The following MIB1 variants were observed in gnomAD, a reference collection of about 807,000 sequenced individuals.
The protein encoded by MIB1 is E3 ubiquitin-protein ligase MIB1.
MIB1 carries 278 observed loss-of-function variants against 124.5 expected under a neutral mutation model. That is an observed-to-expected ratio of 2.23 (90% CI 2.02 to 2.47). MIB1 has a LOEUF of 2.47. Among genes scored for constraint, MIB1 ranks in the 30% most tolerant of loss-of-function variants. MIB1 has a pLI of 0.00. For missense variants in MIB1, 957 were observed against 1,254.4 expected (o/e 0.76, Z 3.58); for synonymous variants, 446 against 429.4 (o/e 1.04, Z -0.48).
At chr18:21,831,807 G>A (rs1314471501) in intron 12 of MIB1, among the ~76,000 whole-genome samples, 1 of 152,026 alleles carries the variant, frequency 6.6e-6, no homozygotes, top group Non-Finnish European at 1.5e-5. Flanking sequence ...AAGGAAAGAG[G>A]AAAAAAATTA....
At chr18:21,832,058 T>C (rs907663429) in intron 12 of MIB1, among the ~76,000 whole-genome samples, 1 of 152,166 alleles carries the variant, frequency 6.6e-6, no homozygotes, top group African/African-American at 2.4e-5. Flanking sequence ...GTAAGACCTG[T>C]ATATTGGTGG....
upstream of MIB1, among the ~76,000 whole-genome samples, chr18:21,737,062 TC>T: frequency 6.6e-6 from 1 of 152,074 alleles, no homozygotes; most frequent in East Asian, 1.9e-4. Flanking sequence ...AGACACATAA[TC>T]ATCAGATTCA....
At chr18:21,792,266 C>T (rs1598613345) in intron 7 of MIB1, among the ~76,000 whole-genome samples, 1 of 152,262 alleles carries the variant, frequency 6.6e-6, no homozygotes, top group African/African-American at 2.4e-5. Context: ...CTCTCAGTTC[C>T]TGTCCTGCCT....
intron 13 of MIB1, 150 bp downstream of exon 13, chr18:21,838,647 T>A (rs1052055423): frequency 8.4e-6 from 5 of 592,678 alleles, no homozygotes; most frequent in African/African-American, 1.9e-5. Flanking sequence ...ATAATGCATA[T>A]TCTGTCTTCT....
intron 1 of MIB1, among the ~76,000 whole-genome samples, chr18:21,723,580 A>G (rs928567561): frequency 6.6e-6 from 1 of 151,918 alleles, no homozygotes; most frequent in African/African-American, 2.4e-5. Flanking sequence ...CAGTGGTGCT[A>G]TCTCGGCTCA....
At position 21,799,884 on chromosome 18, in the gene MIB1, A is replaced by G; in HGVS notation, c.1281A>G (p.Glu427=). The change falls in exon 9 of 21, where the codon GAA becomes GAG. Residue 427 remains glutamate, a synonymous_variant. Coordinates refer to ENST00000261537, the MANE Select transcript of MIB1 (RefSeq NM_020774.4). ...TGAAGAAATTATTTGAAACCCAAGA[A>G]TCTGGTGACCTCAATGAAGAATTAG... ...QLLKKLFETQ[E]SGDLNEELVK... The G allele has an allele frequency of 6.2e-7, 1 of 1,612,210 alleles. No homozygotes were observed. The highest frequency in any genetic ancestry group is 8.5e-7 in the Non-Finnish European group (1 of 1,178,698).
At chr18:21,801,462 T>G (rs993367179) in intron 9 of MIB1, among the ~76,000 whole-genome samples, 1 of 152,148 alleles carries the variant, frequency 6.6e-6, no homozygotes, top group Non-Finnish European at 1.5e-5. Context: ...ACTTTTTGTT[T>G]TAATTGGAGT....
chr18:21,773,778 A>G (rs764971057), intron 4 of MIB1, 50 bp downstream of exon 4: 15 of 1,090,692 alleles, frequency 1.4e-5, no homozygotes, highest in East Asian at 5.0e-5. Context: ...GGATGGGTGA[A>G]TAGCTCTTAC....
chr18:21,767,812 G>T (rs1016677845), intron 2 of MIB1, among the ~76,000 whole-genome samples: 8 of 152,170 alleles, frequency 5.3e-5, no homozygotes, highest in Non-Finnish European at 1.0e-4. Flanking sequence ...CTCCCAAAGT[G>T]CTGGGATTAC....
chr18:21,867,060 G>A lies in MIB1; in HGVS notation c.*2394G>A, dbSNP rs2042326038. The A allele has an allele frequency of 6.6e-6, 1 of 152,440 alleles. No homozygotes were observed. Among genetic ancestry groups the A allele is most frequent in the South Asian group, 2.1e-4 (1 of 4,820 alleles). The allele number at this position is 152,440 out of a possible 1,614,324, so 9.4% of individuals were successfully genotyped here. On this transcript the variant is annotated 3_prime_UTR_variant, in exon 21 of 21. Transcript: ENST00000261537. ...CATTAGCTAAACCTCTTTATCTTGT[G>A]CCTCAAAAGAGCTTTTACTTTTCTT... is the stretch of plus-strand genomic sequence containing the variant.
intron 12 of MIB1, among the ~76,000 whole-genome samples, chr18:21,837,297 A>C (rs1474876044): frequency 6.6e-6 from 1 of 152,238 alleles, no homozygotes; most frequent in Non-Finnish European, 1.5e-5. Flanking sequence ...TCACAAGGTC[A>C]GGAGATCTAG....
chr18:21,833,410 A>C (rs2146494416), intron 12 of MIB1, among the ~76,000 whole-genome samples: 1 of 152,344 alleles, frequency 6.6e-6, no homozygotes, highest in South Asian at 2.1e-4. Flanking sequence ...TAGCATGCCC[A>C]AAAGAACTAC....
chr18:21,772,100 T>C (rs2041230212), intron 3 of MIB1, among the ~76,000 whole-genome samples: 1 of 152,238 alleles, frequency 6.6e-6, no homozygotes, highest in Non-Finnish European at 1.5e-5. Context: ...AGTGATTCAT[T>C]AGATCTTAAA....
At chr18:21,792,345 G>C (rs149140963) in intron 7 of MIB1, among the ~76,000 whole-genome samples, 2 of 151,754 alleles carry the variant, frequency 1.3e-5, no homozygotes, top group South Asian at 4.2e-4. Context: ...ATCCCTCTTA[G>C]TATCCTATTA....
At chr18:21,751,065 G>C (rs1037889205) in intron 1 of MIB1, among the ~76,000 whole-genome samples, 1 of 151,914 alleles carries the variant, frequency 6.6e-6, no homozygotes, top group African/African-American at 2.4e-5. Flanking sequence ...CACCATGGTG[G>C]TGTGTGCCTG....
rs1199532879 is a variant in MIB1 at position 21,866,679 on chromosome 18, A to G, written c.*2013A>G. ...AAATCCTTTCTGTTTTCTGAGCTGC[A>G]GTGCTAAAACAGATCCCTAAAAGGT... On this transcript the variant is annotated 3_prime_UTR_variant, in exon 21 of 21. Coordinates refer to ENST00000261537, the MANE Select transcript of MIB1 (RefSeq NM_020774.4). The G allele has an allele frequency of 6.6e-6, 1 of 152,220 alleles. No individual in the cohort carries two copies. The highest frequency in any genetic ancestry group is 1.5e-5 in the Non-Finnish European group (1 of 68,030). 9.4% of individuals were successfully genotyped at this position (152,220 alleles called of 1,614,324 possible).
intron 8 of MIB1, among the ~76,000 whole-genome samples, chr18:21,798,797 A>G (rs1020739913): frequency 6.6e-6 from 1 of 152,126 alleles, no homozygotes; most frequent in African/African-American, 2.4e-5. Flanking sequence ...AGCTTTGTAT[A>G]CACAGACTCA....
Position 21,853,320 on chromosome 18 carries a change from C to T in MIB1, c.2665+102C>T, listed in dbSNP as rs142216841. On this transcript the variant is annotated intron_variant, in intron 18 of 20. Coordinates refer to ENST00000261537, the MANE Select transcript of MIB1 (RefSeq NM_020774.4). The stretch of plus-strand genomic sequence containing the variant: ...TTTTTGCTTTTGATTTTGGATAACT[C>T]ATAAAAAAGTTGATGGGCCTCGAGT... 1.7e-4 allele frequency: 143 copies of T among 833,948 alleles called. No individual in the cohort carries two copies. In the Middle Eastern group the frequency reaches 3.2e-3, roughly 19 times the overall value. The allele number at this position is 833,948 out of a possible 1,614,324, so 51.7% of individuals were successfully genotyped here.
At chr18:21,725,699 G>A (rs552709721) in intron 1 of MIB1, among the ~76,000 whole-genome samples, 13 of 152,136 alleles carry the variant, frequency 8.5e-5, no homozygotes, top group South Asian at 2.1e-4. Flanking sequence ...CCTCCTTCCC[G>A]AGGGGAAAGT....
Sources: allele counts gnomAD v4.1 joint callset (sites outside exome capture counted in the v4.1 genomes callset), GRCh38; gene constraint gnomAD v4.1.1; transcripts MANE v1.5; gene names NCBI Gene and HGNC (gene_info 2026-07-23, HGNC 2026-07-21).